The following ANKRD12 variants were observed in gnomAD, a reference collection of about 807,000 sequenced individuals.
ANKRD12 encodes the protein ankyrin repeat domain-containing protein 12.
In ANKRD12, 85 loss-of-function variants were observed where a neutral mutation model predicts 183.4. That is an observed-to-expected ratio of 0.46 (90% CI 0.39 to 0.56). The LOEUF is 0.56. Ranked by LOEUF, ANKRD12 falls within the 20% of genes least tolerant of loss-of-function variation. The probability of loss-of-function intolerance (pLI) is 0.00; values close to 1 mark genes in which losing one functional copy is unlikely to be tolerated. For missense variants in ANKRD12, 2,405 were observed against 2,357.1 expected, an observed-to-expected ratio of 1.02 and a Z score of -0.42; for synonymous variants, 914 against 800.2, an observed-to-expected ratio of 1.14 and a Z score of -2.40.
intron 8 of ANKRD12, among the ~76,000 whole-genome samples, chr18:9,253,255 A>G (rs1272586421): frequency 1.3e-5 from 2 of 152,150 alleles, no homozygotes; most frequent in Non-Finnish European, 2.9e-5. Context: ...ATAAATAACT[A>G]TAGTTGCTCT....
At chr18:9,276,567 A>T (rs1341143115) in intron 11 of ANKRD12, among the ~76,000 whole-genome samples, 3 of 151,966 alleles carry the variant, frequency 2.0e-5, no homozygotes, top group Non-Finnish European at 4.4e-5. Flanking sequence ...TATAAAAATT[A>T]ACTGGGTGTG....
chr18:9,217,452 G>A (rs1598591578), intron 7 of ANKRD12, among the ~76,000 whole-genome samples: 1 of 152,226 alleles, frequency 6.6e-6, no homozygotes. Context: ...AATGCACATT[G>A]AAATTTAAGA....
chr18:9,174,046 T>C (rs7506561), intron 1 of ANKRD12, among the ~76,000 whole-genome samples: 9,673 of 152,160 alleles, frequency 0.064, 337 homozygotes, highest in Non-Finnish European at 0.079. Flanking sequence ...TGAGGAGGGA[T>C]GGATTGGGGT....
intron 1 of ANKRD12, among the ~76,000 whole-genome samples, chr18:9,177,713 A>G (rs1458165894): frequency 6.6e-6 from 1 of 151,130 alleles, no homozygotes; most frequent in Non-Finnish European, 1.5e-5. Flanking sequence ...CCTTTAATCA[A>G]CCTCCCTTCA....
intron 3 of ANKRD12, among the ~76,000 whole-genome samples, chr18:9,203,962 G>A (rs2035333230): frequency 6.6e-6 from 1 of 152,162 alleles, no homozygotes. Context: ...TTTCTTTCCA[G>A]ACGGTCTTCA....
chr18:9,180,762 A>G (rs999046097), intron 1 of ANKRD12, among the ~76,000 whole-genome samples: 9 of 152,158 alleles, frequency 5.9e-5, no homozygotes. Context: ...AGTTATTGAA[A>G]AATGGTGTAA....
intron 2 of ANKRD12, among the ~76,000 whole-genome samples, chr18:9,183,460 A>G (rs989314821): frequency 3.3e-5 from 5 of 152,168 alleles, no homozygotes; most frequent in African/African-American, 4.8e-5. Flanking sequence ...GTTGCATTCT[A>G]TTGTTAAATT....
Position 9,282,415 on chromosome 18 carries a change from TATA to T in ANKRD12, c.*1292_*1294del, listed in dbSNP as rs1489758313. The T allele has an allele frequency of 6.6e-6, 1 of 152,594 alleles. No individual in the cohort carries two copies. Among genetic ancestry groups the T allele is most frequent in the African/African-American group, 2.4e-5 (1 of 41,456 alleles). The allele number at this position is 152,594 out of a possible 1,614,324, so 9.5% of individuals were successfully genotyped here. On this transcript the variant is annotated 3_prime_UTR_variant, in exon 13 of 13. Transcript: ENST00000262126. ...ATGCAAAACATAATTTGCAAAATTT[TATA>T]ATTGAAATAAAACTTGGTATGCTGT...
chr18:9,238,584 A>G (rs2037479919), intron 8 of ANKRD12, among the ~76,000 whole-genome samples: 1 of 152,148 alleles, frequency 6.6e-6, no homozygotes, highest in Non-Finnish European at 1.5e-5. Flanking sequence ...CCTTCTTTCA[A>G]TTATTCAACA....
chr18:9,197,373 C>T (rs947275928), intron 3 of ANKRD12, among the ~76,000 whole-genome samples: 1 of 152,188 alleles, frequency 6.6e-6, no homozygotes, highest in Non-Finnish European at 1.5e-5. Flanking sequence ...GAAAAGTTAA[C>T]ATGTTGTCAC....
At chr18:9,260,541 C>G (rs1004351773) in intron 9 of ANKRD12, among the ~76,000 whole-genome samples, 4 of 152,126 alleles carry the variant, frequency 2.6e-5, no homozygotes, top group African/African-American at 9.7e-5. Context: ...TTTGTTACAA[C>G]CTAGTCTCTA....
chr18:9,259,172 G>C (rs6506649), intron 9 of ANKRD12, among the ~76,000 whole-genome samples: 106,101 of 152,068 alleles, frequency 0.7, 37,321 homozygotes, highest in Middle Eastern at 0.81. Context: ...TCAAATACAG[G>C]TATAACTATA....
chr18:9,224,541 T>C (rs1360530680), intron 8 of ANKRD12, among the ~76,000 whole-genome samples: 2 of 152,064 alleles, frequency 1.3e-5, no homozygotes, highest in African/African-American at 4.8e-5. Context: ...CCCGATAAAA[T>C]TGGTAAACAT....
intron 1 of ANKRD12, among the ~76,000 whole-genome samples, chr18:9,175,286 C>G (rs954992004): frequency 1.3e-5 from 2 of 152,144 alleles, no homozygotes; most frequent in African/African-American, 4.8e-5. Flanking sequence ...TTGTAGCATT[C>G]AGATATGCAA....
intron 7 of ANKRD12, among the ~76,000 whole-genome samples, chr18:9,218,947 C>T (rs1358484226): frequency 6.6e-6 from 1 of 152,168 alleles, no homozygotes; most frequent in Non-Finnish European, 1.5e-5. Flanking sequence ...GGGCATTAGC[C>T]ACCGGTGGCA....
At position 9,202,289 on chromosome 18, in the gene ANKRD12, A is replaced by G. The variant is rs568908336; in HGVS notation, c.236-2187A>G. Among the ~76,000 whole-genome samples, 13 of 152,346 alleles carry G rather than the reference A, an allele frequency of 8.5e-5. No homozygotes were observed. In the East Asian group the frequency reaches 2.5e-3, roughly 29 times the overall value. On this transcript the variant is annotated intron_variant, in intron 3 of 12. Transcript: ENST00000262126. ...CTATTTTCCTAAGACTTTAGATGCC[A>G]TTTAAGGGTTTACCATATTATAATG...
chr18:9,144,881 A>G (rs1450974968), intron 1 of ANKRD12, among the ~76,000 whole-genome samples: 2 of 147,992 alleles, frequency 1.4e-5, no homozygotes, highest in Non-Finnish European at 3.1e-5. Context: ...ATGTATTTGT[A>G]TGTATGTAAT....
intron 8 of ANKRD12, among the ~76,000 whole-genome samples, chr18:9,231,059 G>A (rs949814294): frequency 6.6e-6 from 1 of 151,936 alleles, no homozygotes; most frequent in Non-Finnish European, 1.5e-5. Context: ...TTTAATTTTT[G>A]TGTATTTGTA....
intron 11 of ANKRD12, among the ~76,000 whole-genome samples, chr18:9,278,102 T>C (rs1172195982): frequency 1.3e-5 from 2 of 152,090 alleles, no homozygotes; most frequent in Admixed American, 6.5e-5. Flanking sequence ...TTCAGCTTGA[T>C]GAGATACCAA....
Sources: gnomAD v4.1 joint callset for allele counts (sites outside exome capture counted in the v4.1 genomes callset) on GRCh38, gnomAD v4.1.1 for gene constraint, MANE v1.5 for transcripts, NCBI Gene and HGNC (gene_info 2026-07-23, HGNC 2026-07-21) for gene names.